Variants in NTRK3 observed in about 807,000 individuals in gnomAD.
NTRK3 encodes the protein neurotrophic receptor tyrosine kinase 3.
NTRK3 carries 24 observed loss-of-function variants against 91.7 expected under a neutral mutation model. The observed-to-expected ratio is 0.26, with a 90% CI of 0.19 to 0.37. The LOEUF is 0.37. NTRK3 is among the 10% of genes least tolerant of loss of function. The pLI, the probability that NTRK3 is intolerant of heterozygous loss-of-function variation, is 1.00. For missense variants in NTRK3, 880 were observed against 1,068.9 expected, an observed-to-expected ratio of 0.82 and a Z score of 2.46; for synonymous variants, 483 against 404.0, an observed-to-expected ratio of 1.20 and a Z score of -2.34.
intron 3 of NTRK3, among the ~76,000 whole-genome samples, chr15:88,232,036 C>G (rs959243826): frequency 7.2e-5 from 11 of 152,198 alleles, no homozygotes; most frequent in African/African-American, 2.7e-4. Flanking sequence ...AAGACCCTCC[C>G]CGAGTGAATC....
intron 7 of NTRK3, 92 bp downstream of exon 7, chr15:88,137,312 G>C (rs757749134): frequency 1.3e-4 from 194 of 1,480,534 alleles, no homozygotes; most frequent in Non-Finnish European, 1.6e-4. Flanking sequence ...CGAAAGGAAG[G>C]CTCTGGCATC....
intron 17 of NTRK3, among the ~76,000 whole-genome samples, chr15:87,888,051 G>A (rs1475310237): frequency 6.6e-6 from 1 of 152,176 alleles, no homozygotes; most frequent in Non-Finnish European, 1.5e-5. Flanking sequence ...ATAAAAATAA[G>A]TACTTGGAGG....
intron 17 of NTRK3, among the ~76,000 whole-genome samples, chr15:87,896,396 G>A (rs1323366010): frequency 6.6e-6 from 1 of 151,304 alleles, no homozygotes; most frequent in Non-Finnish European, 1.5e-5. Context: ...GCTTGAACCT[G>A]AGAGGCAGAG....
At chr15:87,911,439 G>GT in intron 17 of NTRK3, among the ~76,000 whole-genome samples, 1 of 152,292 alleles carries the variant, frequency 6.6e-6, no homozygotes, top group African/African-American at 2.4e-5. Context: ...ACAGGCATCT[G>GT]TATAATGTGG....
intron 13 of NTRK3, among the ~76,000 whole-genome samples, chr15:88,113,551 G>T (rs2051686211): frequency 1.3e-5 from 2 of 152,096 alleles, no homozygotes; most frequent in African/African-American, 2.4e-5. Context: ...CTTGACCTCA[G>T]GTGATCCAGC....
At position 88,094,237 on chromosome 15, in the gene NTRK3, C is replaced by T. The variant is rs184014744; in HGVS notation, c.1396+32034G>A. Among the ~76,000 whole-genome samples the T allele has an allele frequency of 4.7e-3, 708 of 151,932 alleles. 4 individuals are homozygous for T. The highest frequency in any genetic ancestry group is 0.017 in the African/African-American group (689 of 41,436). On this transcript the variant is annotated intron_variant, in intron 13 of 18. Coordinates refer to ENST00000394480, the Ensembl canonical transcript of NTRK3. ...ATCCCAGCACTTTGGGAGGCTGAGG[C>T]GGGTGGATCATGAGGTCAGGAGATC...
chr15:87,859,912 A>AATAT (rs2141365093), exon 19 of NTRK3: 1 of 185,094 alleles, frequency 5.4e-6, no homozygotes, highest in East Asian at 8.7e-5. Context: ...AGTATTTACA[A>AATAT]CTCTCACTTA....
intron 3 of NTRK3, among the ~76,000 whole-genome samples, chr15:88,198,637 A>G (rs1467346822): frequency 1.3e-5 from 2 of 152,156 alleles, no homozygotes; most frequent in Non-Finnish European, 2.9e-5. Context: ...CCTTGACAAC[A>G]AAGTCTGCTG....
intron 17 of NTRK3, among the ~76,000 whole-genome samples, chr15:87,898,906 C>T (rs1365369739): frequency 6.6e-6 from 1 of 151,410 alleles, no homozygotes; most frequent in Non-Finnish European, 1.5e-5. Flanking sequence ...GGGAGGCTGA[C>T]ACACATAGAC....
chr15:88,076,113 G>A (rs1295654162), intron 13 of NTRK3, among the ~76,000 whole-genome samples: 1 of 152,182 alleles, frequency 6.6e-6, no homozygotes, highest in Admixed American at 6.5e-5. Context: ...AGAAAAAGAG[G>A]TTTAATGGAC....
At chr15:87,921,129 A>T (rs1465749) in intron 17 of NTRK3, among the ~76,000 whole-genome samples, 24 of 152,128 alleles carry the variant, frequency 1.6e-4, no homozygotes, top group African/African-American at 5.8e-4. Flanking sequence ...ATAAAATTTT[A>T]TTATAAAAAT....
intron 5 of NTRK3, among the ~76,000 whole-genome samples, chr15:88,160,630 T>C (rs1303085320): frequency 6.6e-6 from 1 of 152,192 alleles, no homozygotes; most frequent in African/African-American, 2.4e-5. Flanking sequence ...CCATTGGCCT[T>C]TAGGGGCCTT....
intron 13 of NTRK3, among the ~76,000 whole-genome samples, chr15:88,118,581 G>C (rs137980489): frequency 6.6e-6 from 1 of 152,302 alleles, no homozygotes; most frequent in East Asian, 1.9e-4. Context: ...AATTACTAAA[G>C]TTTGTGACTT....
chr15:87,902,845 T>G (rs997495264), intron 17 of NTRK3, among the ~76,000 whole-genome samples: 1 of 152,114 alleles, frequency 6.6e-6, no homozygotes, highest in Non-Finnish European at 1.5e-5. Flanking sequence ...CAGAGGCCCA[T>G]GTAAAAACCG....
At chr15:88,031,421 A>G (rs1041302075) in intron 14 of NTRK3, among the ~76,000 whole-genome samples, 2 of 152,202 alleles carry the variant, frequency 1.3e-5, no homozygotes, top group African/African-American at 4.8e-5. Flanking sequence ...CCTTCCTCCC[A>G]GTCCTACCCA....
chr15:88,093,817 CG>C (rs528463826), intron 13 of NTRK3, among the ~76,000 whole-genome samples: 1 of 151,986 alleles, frequency 6.6e-6, no homozygotes, highest in African/African-American at 2.4e-5. Context: ...GGGCCTCAAG[CG>C]GGGGGGTTGC....
At chr15:88,122,729 G>A (rs930197016) in intron 13 of NTRK3, among the ~76,000 whole-genome samples, 2 of 151,994 alleles carry the variant, frequency 1.3e-5, no homozygotes, top group African/African-American at 4.8e-5. Context: ...ATGTGGATGG[G>A]GAATTGTTTA....
In NTRK3 at chr15:87,872,534, T is replaced by TACAC. The variant is rs1313801814; in HGVS notation, c.*4400_*4401insGTGT. 4.3e-3 allele frequency: 977 copies of TACAC among 228,422 alleles called. 13 individuals carry two copies. Among genetic ancestry groups the TACAC allele is most frequent in the East Asian group, 0.011 (166 of 15,384 alleles). 14.1% of individuals were successfully genotyped at this position (228,422 alleles called of 1,614,324 possible). On this transcript the variant is annotated 3_prime_UTR_variant, in exon 19 of 19. Transcript: ENST00000394480. ...GGCCTCTCTCCATATCTTGGAATAG[T>TACAC]TTCTGCCAAGTGTTAGCATGTTGGT...
At chr15:87,929,909 C>T (rs2068642695) in intron 16 of NTRK3, among the ~76,000 whole-genome samples, 2 of 152,108 alleles carry the variant, frequency 1.3e-5, no homozygotes, top group Admixed American at 6.5e-5. Flanking sequence ...CCAGAATGGC[C>T]ATATGGGAAA....
Sources: gnomAD v4.1 joint callset for allele counts (sites outside exome capture counted in the v4.1 genomes callset) on GRCh38, gnomAD v4.1.1 for gene constraint, MANE v1.5 for transcripts, NCBI Gene and HGNC (gene_info 2026-07-23, HGNC 2026-07-21) for gene names.